Variants in EPB41L1 observed in about 807,000 individuals in gnomAD.
EPB41L1 encodes erythrocyte membrane protein band 4.1 like 1, also known as band 4.1-like protein 1.
A neutral mutation model predicts 97.8 loss-of-function variants in EPB41L1; 29 were observed. The ratio of observed to expected loss-of-function variants is 0.30; its 90% CI spans 0.22 to 0.40. EPB41L1 has a LOEUF of 0.40. EPB41L1 is among the 10% of genes least tolerant of loss of function. The probability of loss-of-function intolerance (pLI) is 1.00; values close to 1 mark genes in which losing one functional copy is unlikely to be tolerated. For synonymous variants in EPB41L1, 383 were observed against 459.2 expected, an observed-to-expected ratio of 0.83 and a Z score of 2.12; for missense variants, 812 against 1,162.3, an observed-to-expected ratio of 0.70 and a Z score of 4.38.
intron 19 of EPB41L1, among the ~76,000 whole-genome samples, chr20:36,220,554 T>C (rs915087837): frequency 6.6e-6 from 1 of 152,088 alleles, no homozygotes; most frequent in Non-Finnish European, 1.5e-5. Context: ...GGTTTTTAGA[T>C]TGGAGAGTAA....
chr20:36,220,032 G>A (rs190027222), intron 19 of EPB41L1, among the ~76,000 whole-genome samples, 188 bp downstream of exon 19: 23 of 152,382 alleles, frequency 1.5e-4, no homozygotes, highest in Admixed American at 9.1e-4. Context: ...CTTCCCACAC[G>A]GCGTTGACAG....
chr20:36,157,209 C>T (rs909301538), intron 1 of EPB41L1, among the ~76,000 whole-genome samples: 2 of 151,926 alleles, frequency 1.3e-5, no homozygotes, highest in African/African-American at 2.4e-5. Flanking sequence ...GGAGACAGAG[C>T]GAGACTCCCT....
rs917113736 is a variant in EPB41L1, at chr20:36,206,461, G to A, written c.1669-3027G>A. 3.9e-6 allele frequency: 5 copies of A among 1,289,854 alleles called. No individual in the cohort carries two copies. In the African/African-American group the frequency reaches 7.6e-5, roughly 20 times the overall value. 79.9% of individuals were successfully genotyped at this position (1,289,854 alleles called of 1,614,324 possible). ...CAATGAAACTGATACTTCCTTTGCA[G>A]AGAGGAGCTTCTATTTAAATTATGA... On this transcript the variant is annotated intron_variant, in intron 14 of 21. Transcript: ENST00000338074. The surrounding 1 kb of genome is among the most constrained non-coding windows in gnomAD (Gnocchi z 5.5).
rs2062994048 is a variant in EPB41L1 at position 36,209,286 on chromosome 20, C to T, written c.1669-202C>T. On this transcript the variant is annotated intron_variant, in intron 14 of 21. Transcript: ENST00000338074. This position sits in a 1 kb window ranked among gnomAD's most constrained non-coding sequence, Gnocchi z 4.2. Reference sequence around the variant, plus strand: ...AGACCCTCAGAAAGGGGCATCTCCACTCTTGAGTCGTTTTTGTTTTTTTTA... The same window carrying T: ...AGACCCTCAGAAAGGGGCATCTCCATTCTTGAGTCGTTTTTGTTTTTTTTA... 6.6e-6 allele frequency among the ~76,000 whole-genome samples: 1 copy of T among 152,196 alleles called. No individual in the cohort carries two copies. The highest frequency in any genetic ancestry group is 6.5e-5 in the Admixed American group (1 of 15,286).
At position 36,190,782 on chromosome 20, in the gene EPB41L1, C is replaced by T. The variant is rs753161126; in HGVS notation, c.1285C>T (p.Arg429Cys). 8.1e-6 allele frequency: 13 copies of T among 1,613,960 alleles called. No individual in the cohort carries two copies. Among genetic ancestry groups the T allele is most frequent in the Admixed American group, 5.0e-5 (3 of 60,014 alleles). The change falls in exon 11 of 22, where the codon CGC becomes TGC. Residue 429 changes from arginine (R) to cysteine (C), a missense_variant. Around this residue, in one of 3 missense-constraint regions of EPB41L1, gnomAD observed 498 missense variants for 622.7 expected, o/e 0.80. Transcript: ENST00000338074. This position sits in a 1 kb window ranked among gnomAD's most constrained non-coding sequence, Gnocchi z 5.8. ...RSSSKRYTMS[R>C]SLDGAEFSRP... Reference sequence around the variant, plus strand: ...TTCCAGCAAACGGTACACCATGTCCCGCAGCCTTGATGGAGGTATGGCCCA... The same window carrying T: ...TTCCAGCAAACGGTACACCATGTCCTGCAGCCTTGATGGAGGTATGGCCCA...
At chr20:36,161,019 G>A (rs1028164677) in intron 1 of EPB41L1, among the ~76,000 whole-genome samples, 7 of 152,222 alleles carry the variant, frequency 4.6e-5, no homozygotes, top group African/African-American at 1.7e-4. Flanking sequence ...GAGAGAAGGA[G>A]TCAGAAACCA....
chr20:36,197,503 C>A, intron 13 of EPB41L1: 1 of 342,192 alleles, frequency 2.9e-6, no homozygotes, highest in Non-Finnish European at 4.1e-6. Context: ...GAAGTCACCT[C>A]TGTGACTAAG....
At position 36,154,743 on chromosome 20, in the gene EPB41L1, C is replaced by A; in HGVS notation, c.-168C>A. On this transcript the variant is annotated 5_prime_UTR_variant, in exon 1 of 22. Transcript: ENST00000338074. This position sits in a 1 kb window ranked among gnomAD's most constrained non-coding sequence, Gnocchi z 5.5. ...CCGCCGCCGCCGCCGCTGCTGCAGT[C>A]GGCATCCATCAGCGGGCGGGGGTGT... 1.0e-6 allele frequency: 1 copy of A among 986,382 alleles called. No individual in the cohort carries two copies. Among genetic ancestry groups the A allele is most frequent in the Non-Finnish European group, 1.2e-6 (1 of 830,948 alleles). 61.1% of individuals were successfully genotyped at this position (986,382 alleles called of 1,614,324 possible).
chr20:36,109,678 T>A (rs1387105065), intron 1 of EPB41L1: 1 of 152,172 alleles, frequency 6.6e-6, no homozygotes, highest in African/African-American at 2.4e-5. Context: ...TTCAGGTAGC[T>A]CCTTGGATAT....
At chr20:36,205,131 G>A (rs561271174) in intron 14 of EPB41L1, among the ~76,000 whole-genome samples, 7 of 152,280 alleles carry the variant, frequency 4.6e-5, no homozygotes, top group African/African-American at 1.4e-4. Context: ...TGGCACTAAC[G>A]TGGTCATGTG....
chr20:36,194,857 CACTT>C (rs990630900), intron 12 of EPB41L1, among the ~76,000 whole-genome samples: 4 of 152,140 alleles, frequency 2.6e-5, no homozygotes, highest in Admixed American at 6.5e-5. Flanking sequence ...GCCTCACACT[CACTT>C]AATAACAGAT....
rs755952277 is a variant in EPB41L1, at chr20:36,207,337, C to T, written c.1669-2151C>T. 3.3e-5 allele frequency: 42 copies of T among 1,286,836 alleles called. No individual in the cohort carries two copies. The highest frequency in any genetic ancestry group is 1.9e-4 in the South Asian group (15 of 80,806). The allele number at this position is 1,286,836 out of a possible 1,614,324, so 79.7% of individuals were successfully genotyped here. On this transcript the variant is annotated intron_variant, in intron 14 of 21. Transcript: ENST00000338074. The surrounding 1 kb of genome is among the most constrained non-coding windows in gnomAD (Gnocchi z 4.9). ...AGTAGTCCCTGAAGAAGCTGAGGGG[C>T]GCATACCTCTGGGGTTTGGGTTCCC...
chr20:36,125,163 A>C (rs905538131), intron 2 of EPB41L1, among the ~76,000 whole-genome samples: 2 of 152,160 alleles, frequency 1.3e-5, no homozygotes, highest in African/African-American at 4.8e-5. Context: ...ACAAACCCAG[A>C]GAGAGACAGG....
intron 1 of EPB41L1, among the ~76,000 whole-genome samples, chr20:36,106,200 C>T (rs1374188344): frequency 1.3e-5 from 2 of 152,238 alleles, no homozygotes; most frequent in African/African-American, 4.8e-5. Flanking sequence ...CTAAGCCCTG[C>T]ACACAGGACC....
intron 2 of EPB41L1, among the ~76,000 whole-genome samples, chr20:36,148,107 G>A (rs577309322): frequency 2.0e-5 from 3 of 152,238 alleles, no homozygotes; most frequent in East Asian, 1.9e-4. Context: ...TCTGGCTTTC[G>A]GTGTGAAGAT....
At chr20:36,151,716 A>G (rs187531259), upstream of EPB41L1, 1 of 152,384 alleles carries the variant, frequency 6.6e-6, no homozygotes, top group Non-Finnish European at 1.5e-5. Flanking sequence ...ATTGTTGGGT[A>G]AAGTGGAAAG....
chr20:36,122,444 T>C (rs916457587), intron 2 of EPB41L1, among the ~76,000 whole-genome samples: 3 of 152,176 alleles, frequency 2.0e-5, no homozygotes, highest in Non-Finnish European at 4.4e-5. Context: ...GAAGAGCCTT[T>C]CTGTGTCCTT....
rs1258203426 is a variant in EPB41L1, at chr20:36,175,664, C to T, written c.291C>T (p.Ala97=). 1.2e-6 allele frequency: 2 copies of T among 1,614,034 alleles called. No individual in the cohort carries two copies. Among genetic ancestry groups the T allele is most frequent in the African/African-American group, 2.7e-5 (2 of 74,912 alleles). ...AGATTGCCAAGAAATACAAGAGTGC[C>T]ATCTGCCGGGTCACTCTGCTTGATG... is the stretch of plus-strand genomic sequence containing the variant. The part of the protein sequence containing the change: ...PQKIAKKYKS[A]ICRVTLLDAS... Residue 97 remains alanine, a synonymous_variant, in exon 3 of 22, where the codon GCC becomes GCT. Transcript: ENST00000338074.
At chr20:36,167,821 G>A (rs1030753767) in intron 1 of EPB41L1, among the ~76,000 whole-genome samples, 3 of 152,046 alleles carry the variant, frequency 2.0e-5, no homozygotes, top group African/African-American at 2.4e-5. Context: ...ATAAACTCTA[G>A]GAGGGCCCAA....
Sources: gnomAD v4.1 joint callset for allele counts (sites outside exome capture counted in the v4.1 genomes callset) on GRCh38, gnomAD v4.1.1 for gene constraint, gnomAD v4.1.1 regional missense constraint, Gnocchi (gnomAD v3.1) non-coding constraint, MANE v1.5 for transcripts, NCBI Gene and HGNC (gene_info 2026-07-23, HGNC 2026-07-21) for gene names.